The following ADD3 variants were observed in gnomAD, a reference collection of about 807,000 sequenced individuals.
ADD3 encodes adducin 3, also known as gamma-adducin.
ADD3 carries 25 observed loss-of-function variants against 80.2 expected under a neutral mutation model. The observed-to-expected ratio is 0.31, with a 90% CI of 0.23 to 0.44. The LOEUF (loss-of-function observed/expected upper bound fraction) is 0.44, where lower values mean the gene tolerates loss of function less well. ADD3 is among the 20% of genes least tolerant of loss of function. ADD3 has a pLI of 1.00. For missense variants in ADD3, 829 were observed against 847.5 expected (o/e 0.98, Z 0.27); for synonymous variants, 284 against 289.6 (o/e 0.98, Z 0.20).
In ADD3 at chr10:110,008,094, C is replaced by A. The variant is rs1243085738; in HGVS notation, c.-235C>A. On this transcript the variant is annotated 5_prime_UTR_variant, in exon 1 of 15. Transcript: ENST00000356080. ...ACAGAGCAAGCGCCAGAGGCGTCGG[C>A]ATCCCAGGTGTCGCCGCTTCCTGCT... The A allele has an allele frequency of 4.6e-5, 7 of 152,324 alleles. No homozygotes were observed. The East Asian group carries it at 1.4e-3, about 29-fold the overall frequency. The allele number at this position is 152,324 out of a possible 1,614,324, so 9.4% of individuals were successfully genotyped here. A position where few individuals can be genotyped will look rare whatever the true frequency, so the allele number is the denominator to read the frequency against.
intron 1 of ADD3, among the ~76,000 whole-genome samples, chr10:110,013,284 G>A (rs1664318112): frequency 1.3e-5 from 2 of 151,740 alleles, no homozygotes; most frequent in African/African-American, 4.8e-5. Context: ...TGTATTTTTA[G>A]TAGAGATGGG....
At position 110,122,214 on chromosome 10, in the gene ADD3, T is replaced by C. The variant is rs1255198039; in HGVS notation, c.1065T>C (p.Gly355=). Residue 355 remains glycine, a synonymous_variant, in exon 9 of 15, where the codon GGT becomes GGC. Transcript: ENST00000356080. The part of the protein sequence containing the change: ...TYTVAASGGG[G]VNMGSHQKWK... ...CTGTAGCAGCGTCTGGTGGAGGAGG[T>C]GTGAATATGGGTTCCCATCAAAAAT... is the stretch of plus-strand genomic sequence containing the variant. 1.2e-6 allele frequency: 2 copies of C among 1,614,034 alleles called. No individual in the cohort carries two copies. Among genetic ancestry groups the C allele is most frequent in the East Asian group, 4.5e-5 (2 of 44,874 alleles).
At chr10:110,081,958 T>A (rs1427474411) in intron 1 of ADD3, among the ~76,000 whole-genome samples, 1 of 152,110 alleles carries the variant, frequency 6.6e-6, no homozygotes, top group African/African-American at 2.4e-5. Flanking sequence ...TCAAATAGAT[T>A]GTAGTTTGAG....
At chr10:110,112,644 T>C (rs1025904352) in intron 2 of ADD3, 133 bp from the exon 3 acceptor site, 1 of 1,055,846 alleles carries the variant, frequency 9.5e-7, no homozygotes, top group Non-Finnish European at 1.3e-6. Flanking sequence ...ATTTTGTGTT[T>C]TATATTTGTT....
At chr10:110,081,289 C>G (rs760582915) in intron 1 of ADD3, among the ~76,000 whole-genome samples, 1 of 152,064 alleles carries the variant, frequency 6.6e-6, no homozygotes, top group Non-Finnish European at 1.5e-5. Flanking sequence ...CAAAATGTAT[C>G]GAAGACCTTC....
At chr10:110,079,423 A>T (rs1845747894) in intron 1 of ADD3, 1 of 142,474 alleles carries the variant, frequency 7.0e-6, no homozygotes, top group African/African-American at 2.8e-5. Flanking sequence ...TTTCAAAAAA[A>T]TGATGAGAGA....
intron 3 of ADD3, among the ~76,000 whole-genome samples, chr10:110,114,477 G>A (rs766796341): frequency 3.3e-5 from 5 of 152,148 alleles, no homozygotes; most frequent in Non-Finnish European, 7.4e-5. Context: ...GGCTACAGTC[G>A]AGTACAAGAA....
chr10:110,125,272 A>C (rs1852000489), intron 10 of ADD3, among the ~76,000 whole-genome samples: 1 of 152,174 alleles, frequency 6.6e-6, no homozygotes. Flanking sequence ...GGGGTAAATG[A>C]GAAGAATTAT....
At chr10:110,014,651 C>T (rs923147509) in intron 1 of ADD3, among the ~76,000 whole-genome samples, 2 of 151,978 alleles carry the variant, frequency 1.3e-5, no homozygotes, top group African/African-American at 4.8e-5. Flanking sequence ...CTCAGCCTTC[C>T]TGAGTATCTG....
At chr10:110,063,752 T>TATAAA (rs1459182551) in intron 1 of ADD3, among the ~76,000 whole-genome samples, 2 of 52,002 alleles carry the variant, frequency 3.8e-5, no homozygotes, top group African/African-American at 1.2e-4. Context: ...TATATATATA[T>TATAAA]ATATATATAT....
At chr10:110,119,139 A>G (rs1460208989) in intron 6 of ADD3, 72 bp from the exon 7 acceptor site, 4 of 1,552,710 alleles carry the variant, frequency 2.6e-6, no homozygotes, top group Non-Finnish European at 2.6e-6. Flanking sequence ...TGAGCTGACC[A>G]AACAATCAGG....
At chr10:110,004,477 A>G (rs964730563), upstream of ADD3, among the ~76,000 whole-genome samples, 8 of 151,860 alleles carry the variant, frequency 5.3e-5, no homozygotes, top group African/African-American at 1.9e-4. Context: ...GAGTCGACTA[A>G]TTTTTGTATT....
At chr10:110,122,610 TTCTAC>T (rs1338907218) in intron 9 of ADD3, among the ~76,000 whole-genome samples, 2 of 142,474 alleles carry the variant, frequency 1.4e-5, no homozygotes, top group Admixed American at 7.0e-5. Flanking sequence ...GTAACCACTA[TTCTAC>T]TCTACTTTTA....
At chr10:110,065,851 C>T (rs1843888044) in intron 1 of ADD3, among the ~76,000 whole-genome samples, 1 of 151,540 alleles carries the variant, frequency 6.6e-6, no homozygotes, top group Non-Finnish European at 1.5e-5. Context: ...CTTTTAGCCT[C>T]TCTTCTGTAT....
At chr10:110,106,249 A>AT (rs1297820740) in intron 2 of ADD3, among the ~76,000 whole-genome samples, 10 of 151,544 alleles carry the variant, frequency 6.6e-5, no homozygotes, top group African/African-American at 2.4e-4. Flanking sequence ...TATATTTATC[A>AT]GTGTTATTAT....
chr10:110,030,277 C>T (rs939112741), intron 1 of ADD3, among the ~76,000 whole-genome samples: 13 of 149,132 alleles, frequency 8.7e-5, no homozygotes, highest in African/African-American at 3.2e-4. Flanking sequence ...GAGCCAAGAT[C>T]GCACCATTGC....
At chr10:110,117,816 C>A (rs1475552034) in intron 5 of ADD3, among the ~76,000 whole-genome samples, 1 of 151,924 alleles carries the variant, frequency 6.6e-6, no homozygotes, top group African/African-American at 2.4e-5. Context: ...GAGTTCAAGA[C>A]CAGCCTGACC....
chr10:110,000,523 T>C (rs1185302078), intron 1 of ADD3, among the ~76,000 whole-genome samples: 3 of 152,246 alleles, frequency 2.0e-5, no homozygotes, highest in Admixed American at 6.5e-5. Context: ...TATGAGCAAC[T>C]GGTAAAGACT....
chr10:110,039,384 A>G (rs1335667433), intron 1 of ADD3, among the ~76,000 whole-genome samples: 1 of 152,194 alleles, frequency 6.6e-6, no homozygotes, highest in Non-Finnish European at 1.5e-5. Context: ...TGGAGGGACT[A>G]ATGAGGAAGG....
Sources: allele counts gnomAD v4.1 joint callset (sites outside exome capture counted in the v4.1 genomes callset), GRCh38; gene constraint gnomAD v4.1.1; transcripts MANE v1.5; gene names NCBI Gene and HGNC (gene_info 2026-07-23, HGNC 2026-07-21).